DEFB135: variants seen among roughly 807,000 people sequenced by gnomAD.
The protein encoded by DEFB135 is beta-defensin 135.
Under a neutral mutation model 8.9 loss-of-function variants are expected in DEFB135, and 14 were observed. That is an observed-to-expected ratio of 1.58 (90% CI 1.04 to 2.47). DEFB135 has a LOEUF of 2.47. DEFB135 is among the 30% of genes most tolerant of loss of function. DEFB135 has a pLI of 0.00. For synonymous variants in DEFB135, 51 were observed against 34.5 expected (o/e 1.48, Z -1.67); for missense variants, 135 against 94.2 (o/e 1.43, Z -1.79).
chr8:11,982,819 T>C (rs1294461481), intron 1 of DEFB135, among the ~76,000 whole-genome samples: 1 of 152,198 alleles, frequency 6.6e-6, no homozygotes, highest in Non-Finnish European at 1.5e-5. Context: ...AATTTTATGC[T>C]GAGCAGAATC....
At position 11,982,385 on chromosome 8, in the gene DEFB135, G is replaced by A. The variant is rs763907732; in HGVS notation, c.64+1G>A. On this transcript the variant is annotated splice_donor_variant, in intron 1 of 1. Transcript: ENST00000382208. LOFTEE classifies it high-confidence loss of function. Reference sequence around the variant, plus strand: ...AACTTACTCTTCTATGTTCCACCAGGTAAAATGGAGTCCCCACCTTGTAGA... The same window carrying A: ...AACTTACTCTTCTATGTTCCACCAGATAAAATGGAGTCCCCACCTTGTAGA... The A allele has an allele frequency of 3.0e-5, 48 of 1,614,110 alleles. No homozygotes were observed. The South Asian group carries it at 4.1e-4, about 14-fold the overall frequency.
chr8:11,982,383 A>C lies in DEFB135; in HGVS notation c.63A>C (p.Pro21=), dbSNP rs377050782. The C allele has an allele frequency of 1.9e-6, 3 of 1,614,020 alleles. No homozygotes were observed. The African/African-American group carries it at 4.0e-5, about 22-fold the overall frequency. Residue 21 remains proline (P), a splice_region_variant and synonymous_variant, in exon 1 of 2, where the codon CCA becomes CCC. Transcript: ENST00000382208. The part of the protein sequence containing the change: ...VVLNLLFYVP[P]GRSGPNVYIQ... ...TTAACTTACTCTTCTATGTTCCACC[A>C]GGTAAAATGGAGTCCCCACCTTGTA...
intron 1 of DEFB135, among the ~76,000 whole-genome samples, chr8:11,983,580 G>T (rs1799784891): frequency 6.6e-6 from 1 of 152,016 alleles, no homozygotes; most frequent in South Asian, 2.1e-4. Flanking sequence ...CCTGCTAACG[G>T]CCCTTGACCA....
At chr8:11,982,531 T>C in intron 1 of DEFB135, 147 bp downstream of exon 1, 3 of 804,416 alleles carry the variant, frequency 3.7e-6, no homozygotes, top group Admixed American at 2.4e-5. Flanking sequence ...GCTGGGCTGG[T>C]CCAGAGAATG....
chr8:11,982,414 A>G (rs1394008062), intron 1 of DEFB135, 30 bp downstream of exon 1: 4 of 1,612,864 alleles, frequency 2.5e-6, no homozygotes, highest in Non-Finnish European at 3.4e-6. Context: ...TTGTAGAATT[A>G]GGAATAGTAA....
intron 1 of DEFB135, among the ~76,000 whole-genome samples, chr8:11,984,207 T>C (rs1363806963): frequency 6.6e-6 from 1 of 152,180 alleles, no homozygotes; most frequent in Admixed American, 6.5e-5. Flanking sequence ...TGTAACTAAT[T>C]GTGGATTCAT....
intron 1 of DEFB135, 85 bp downstream of exon 1, chr8:11,982,469 G>A: frequency 6.6e-7 from 1 of 1,505,862 alleles, no homozygotes; most frequent in South Asian, 1.1e-5. Context: ...AAAAAGGCAG[G>A]ACTTGGACAA....
rs1292478726 is a variant in DEFB135 at position 11,984,411 on chromosome 8, C to T, written c.65-10C>T. On this transcript the variant is annotated splice_polypyrimidine_tract_variant and intron_variant, in intron 1 of 1. Transcript: ENST00000382208. Reference sequence around the variant, plus strand: ...ACTAACTGTGCATTAACCTTTGTTTCTCTTGGCAGGTAGAAGTGGACCCAA... The same window carrying T: ...ACTAACTGTGCATTAACCTTTGTTTTTCTTGGCAGGTAGAAGTGGACCCAA... 6.6e-6 allele frequency: 10 copies of T among 1,520,386 alleles called. No individual in the cohort carries two copies. The highest frequency in any genetic ancestry group is 8.0e-6 in the Non-Finnish European group (9 of 1,120,424). The allele number at this position is 1,520,386 out of a possible 1,614,324, so 94.2% of individuals were successfully genotyped here. A position where few individuals can be genotyped will look rare whatever the true frequency, so the allele number is the denominator to read the frequency against.
At chr8:11,982,999 T>A (rs560798727) in intron 1 of DEFB135, among the ~76,000 whole-genome samples, 1 of 152,294 alleles carries the variant, frequency 6.6e-6, no homozygotes, top group East Asian at 1.9e-4. Flanking sequence ...CAAAACTGTT[T>A]TGCTTGTGGT....
At chr8:11,983,011 T>C (rs1028549584) in intron 1 of DEFB135, among the ~76,000 whole-genome samples, 2 of 152,152 alleles carry the variant, frequency 1.3e-5, no homozygotes, top group Admixed American at 6.5e-5. Context: ...GCTTGTGGTT[T>C]TCTGGGGTCA....
intron 1 of DEFB135, among the ~76,000 whole-genome samples, chr8:11,982,666 G>A (rs925406915): frequency 9.8e-5 from 15 of 152,362 alleles, no homozygotes; most frequent in African/African-American, 3.6e-4. Context: ...ACTGGCAGAA[G>A]TAGGGCAGAG....
In DEFB135 at chr8:11,982,277, G is replaced by C. The variant is rs552051969; in HGVS notation, c.-44G>C. On this transcript the variant is annotated 5_prime_UTR_variant, in exon 1 of 2. Transcript: ENST00000382208. ...CCCCGTCTCTTCAAAGCTGCGGAGA[G>C]AGTGACTCTCCGATGAGTCACAGCT... The C allele has an allele frequency of 3.7e-5, 59 of 1,609,352 alleles. 1 individual carries two copies. In the South Asian group the frequency reaches 4.0e-4, roughly 11 times the overall value.
intron 1 of DEFB135, among the ~76,000 whole-genome samples, 169 bp downstream of exon 1, chr8:11,982,553 C>G (rs544322528): frequency 6.6e-6 from 1 of 152,266 alleles, no homozygotes; most frequent in South Asian, 2.1e-4. Flanking sequence ...AGAAAAGATC[C>G]AAAGGACACA....
chr8:11,982,472 T>G (rs1032916654), intron 1 of DEFB135, 88 bp downstream of exon 1: 2 of 1,480,938 alleles, frequency 1.4e-6, no homozygotes, highest in Non-Finnish European at 1.9e-6. Context: ...AAGGCAGGAC[T>G]TGGACAAAGG....
At position 11,984,311 on chromosome 8, in the gene DEFB135, T is replaced by A. The variant is rs1484277068; in HGVS notation, c.65-110T>A. The A allele has an allele frequency of 5.8e-6, 5 of 861,956 alleles. No homozygotes were observed. In the South Asian group the frequency reaches 1.7e-4, roughly 29 times the overall value. 53.4% of individuals were successfully genotyped at this position (861,956 alleles called of 1,614,324 possible). On this transcript the variant is annotated intron_variant, in intron 1 of 1. Transcript: ENST00000382208. Reference sequence around the variant, plus strand: ...AATGTCTTGAGTATCTTTGATCGCGTCTAATTCATTATTAAAAAGTGAAAA... The same window carrying A: ...AATGTCTTGAGTATCTTTGATCGCGACTAATTCATTATTAAAAAGTGAAAA...
chr8:11,984,430 G>T lies in DEFB135; in HGVS notation c.74G>T (p.Gly25Val). 1.3e-6 allele frequency: 2 copies of T among 1,549,682 alleles called. No homozygotes were observed. The highest frequency in any genetic ancestry group is 1.2e-5 in the South Asian group (1 of 83,336). Residue 25 changes from glycine to valine, a missense_variant, in exon 2 of 2, where the codon GGA becomes GTA. Gly to Val is a moderately radical substitution (Grantham distance 109). Transcript: ENST00000382208. ...LLFYVPPGRSGPNVYIQKIFA... is the reference protein window; with the variant it reads ...LLFYVPPGRSVPNVYIQKIFA... ...TTGTTTCTCTTGGCAGGTAGAAGTG[G>T]ACCCAATGTCTACATACAAAAAATC...
At chr8:11,983,127 C>T (rs1178648560) in intron 1 of DEFB135, among the ~76,000 whole-genome samples, 3 of 152,206 alleles carry the variant, frequency 2.0e-5, no homozygotes, top group Admixed American at 6.5e-5. Flanking sequence ...GGCGCGGTGG[C>T]TCACGCCTGC....
At chr8:11,984,097 C>T (rs1799801477) in intron 1 of DEFB135, among the ~76,000 whole-genome samples, 2 of 152,116 alleles carry the variant, frequency 1.3e-5, no homozygotes, top group Non-Finnish European at 2.9e-5. Context: ...TCTGCAGGCT[C>T]CTGGGATGAC....
At chr8:11,983,621 G>T (rs951020905) in intron 1 of DEFB135, among the ~76,000 whole-genome samples, 13 of 152,212 alleles carry the variant, frequency 8.5e-5, no homozygotes, top group Non-Finnish European at 1.6e-4. Context: ...CACCACAAAG[G>T]TTCAATCCAT....
Sources: gnomAD v4.1 joint callset for allele counts (sites outside exome capture counted in the v4.1 genomes callset) on GRCh38, gnomAD v4.1.1 for gene constraint, MANE v1.5 for transcripts, NCBI Gene and HGNC (gene_info 2026-07-23, HGNC 2026-07-21) for gene names.